PCMT1: variants seen among roughly 807,000 people sequenced by gnomAD.
PCMT1 encodes protein-L-isoaspartate(D-aspartate) O-methyltransferase.
A neutral mutation model predicts 29.2 loss-of-function variants in PCMT1; 9 were observed. The observed-to-expected ratio is 0.31, with a 90% CI of 0.19 to 0.54. The LOEUF is 0.54. Ranked by LOEUF, PCMT1 falls within the 20% of genes least tolerant of loss-of-function variation. The pLI is 0.95. For missense variants in PCMT1, 184 were observed against 282.2 expected (o/e 0.65, Z 2.49); for synonymous variants, 98 against 97.5 (o/e 1.00, Z -0.03).
intron 7 of PCMT1, 112 bp downstream of exon 7, chr6:149,802,528 T>C: frequency 3.8e-6 from 5 of 1,299,516 alleles, no homozygotes; most frequent in Non-Finnish European, 4.9e-6. Context: ...ATGTGAAAAA[T>C]GTTGCATGGT....
chr6:149,771,766 T>C (rs1787335392), intron 2 of PCMT1, among the ~76,000 whole-genome samples: 1 of 152,054 alleles, frequency 6.6e-6, no homozygotes, highest in South Asian at 2.1e-4. Flanking sequence ...AAACCACCCG[T>C]GTTGGCCTCC....
chr6:149,756,831 T>C (rs570848912), intron 1 of PCMT1, among the ~76,000 whole-genome samples: 6 of 151,812 alleles, frequency 4.0e-5, no homozygotes, highest in African/African-American at 1.2e-4. Context: ...TGAAATCCTA[T>C]GTATATATTT....
At chr6:149,772,567 G>C in intron 2 of PCMT1, 1 of 456,058 alleles carries the variant, frequency 2.2e-6, no homozygotes, top group South Asian at 1.6e-5. Flanking sequence ...GACTCTACAG[G>C]AGAAGAAATT....
Position 149,763,088 on chromosome 6 carries a change from GAT to G in PCMT1, c.56-8067_56-8066del, listed in dbSNP as rs1260686003. Among the ~76,000 whole-genome samples the G allele has an allele frequency of 1.9e-4, 12 of 62,656 alleles. 2 individuals are homozygous for G. The highest frequency in any genetic ancestry group is 2.7e-4 in the Non-Finnish European group (12 of 43,722). The allele number at this position is 62,656 out of a possible 152,430, so 41.1% of individuals were successfully genotyped here. A position where few individuals can be genotyped will look rare whatever the true frequency, so the allele number is the denominator to read the frequency against. Reference sequence around the variant, plus strand: ...ATATATCTATGATATGTATATCTATGATATATATGATATATATATCTATGATA... The same window carrying G: ...ATATATCTATGATATGTATATCTATGATATATGATATATATATCTATGATA... On this transcript the variant is annotated intron_variant, in intron 1 of 7. Transcript: ENST00000464889.
Position 149,793,548 on chromosome 6 carries a change from G to A in PCMT1, c.298-1G>A. On this transcript the variant is annotated splice_acceptor_variant, in intron 4 of 7. Transcript: ENST00000464889. LOFTEE classifies it high-confidence loss of function. ...CTACTGAATTGTTTTCTCTTTTCCA[G>A]GTTGGATGTACTGGAAAAGTCATAG... is the stretch of plus-strand genomic sequence containing the variant. 1 of 1,469,454 alleles carries A rather than the reference G, an allele frequency of 6.8e-7. No individual in the cohort carries two copies. The highest frequency in any genetic ancestry group is 1.6e-5 in the South Asian group (1 of 62,782). The allele number at this position is 1,469,454 out of a possible 1,614,324, so 91.0% of individuals were successfully genotyped here. A position where few individuals can be genotyped will look rare whatever the true frequency, so the allele number is the denominator to read the frequency against.
intron 7 of PCMT1, among the ~76,000 whole-genome samples, chr6:149,803,535 C>T (rs1468962050): frequency 1.3e-5 from 2 of 151,818 alleles, no homozygotes; most frequent in African/African-American, 2.4e-5. Flanking sequence ...CTTCCCACTC[C>T]CTTCCATGAG....
chr6:149,809,071 G>A (rs182836009), intron 7 of PCMT1, among the ~76,000 whole-genome samples: 17 of 150,064 alleles, frequency 1.1e-4, no homozygotes, highest in East Asian at 7.9e-4. Context: ...CCTGAGCAAC[G>A]TGGTGAAACC....
chr6:149,752,357 C>G (rs1448174912), intron 1 of PCMT1, among the ~76,000 whole-genome samples: 2 of 151,984 alleles, frequency 1.3e-5, no homozygotes, highest in Admixed American at 1.3e-4. Context: ...ACTACCACGC[C>G]TGGCTAATTT....
At chr6:149,771,010 AAG>A in intron 1 of PCMT1, 150 bp from the exon 2 acceptor site, 1 of 480,816 alleles carries the variant, frequency 2.1e-6, no homozygotes, top group Non-Finnish European at 3.6e-6. Context: ...GAAAAAAAAA[AAG>A]AAACCAGGTT....
intron 3 of PCMT1, among the ~76,000 whole-genome samples, chr6:149,781,302 C>G (rs1228365571): frequency 1.3e-5 from 2 of 150,926 alleles, no homozygotes; most frequent in Non-Finnish European, 2.9e-5. Flanking sequence ...TCTCAGCTCA[C>G]TGCAACCTCC....
chr6:149,801,715 T>G (rs954514427), intron 6 of PCMT1, among the ~76,000 whole-genome samples: 5 of 152,170 alleles, frequency 3.3e-5, no homozygotes, highest in Non-Finnish European at 5.9e-5. Flanking sequence ...CCCAAAGTGC[T>G]GGGATCACAG....
chr6:149,770,854 C>CCCTG (rs10677539), intron 1 of PCMT1, among the ~76,000 whole-genome samples: 79,272 of 149,860 alleles, frequency 0.53, 23,988 homozygotes, highest in East Asian at 0.83. Flanking sequence ...AAAAAATTAG[C>CCCTG]CAGGCGTGGT....
In PCMT1 at chr6:149,749,783, A is replaced by G; in HGVS notation, c.-119A>G. On this transcript the variant is annotated 5_prime_UTR_variant, in exon 1 of 8. Transcript: ENST00000464889. ...GGCGACGGCAGTAACAGCGGCAGCT[A>G]CAGCGGGGACGCGAGCGGGGCGGTG... 6.4e-7 allele frequency: 1 copy of G among 1,550,766 alleles called. No homozygotes were observed. The highest frequency in any genetic ancestry group is 8.7e-7 in the Non-Finnish European group (1 of 1,146,660).
chr6:149,754,596 G>T (rs931506167), intron 1 of PCMT1, among the ~76,000 whole-genome samples: 1 of 152,082 alleles, frequency 6.6e-6, no homozygotes, highest in Non-Finnish European at 1.5e-5. Flanking sequence ...CCATGGTTTT[G>T]CTTTCTGAAG....
chr6:149,774,678 C>T (rs1284016348), intron 3 of PCMT1, among the ~76,000 whole-genome samples: 2 of 150,244 alleles, frequency 1.3e-5, no homozygotes, highest in Admixed American at 6.7e-5. Context: ...GCTGGGATTA[C>T]AGGCACCCGC....
At chr6:149,808,117 A>C (rs1448222257) in intron 7 of PCMT1, among the ~76,000 whole-genome samples, 4 of 152,080 alleles carry the variant, frequency 2.6e-5, no homozygotes, top group Non-Finnish European at 5.9e-5. Context: ...CTTTTCATTT[A>C]TTCTTGGTAA....
intron 2 of PCMT1, chr6:149,772,791 G>A (rs1787388122): frequency 3.0e-6 from 1 of 338,822 alleles, no homozygotes; most frequent in Non-Finnish European, 5.7e-6. Context: ...GCCGAGGTGG[G>A]TGGATCACGA....
intron 1 of PCMT1, among the ~76,000 whole-genome samples, chr6:149,767,880 A>C (rs1472658738): frequency 6.6e-6 from 1 of 151,278 alleles, no homozygotes. Flanking sequence ...TGCAGCCTCC[A>C]CCTCCCAGGT....
chr6:149,780,840 T>C (rs759117186), intron 3 of PCMT1, among the ~76,000 whole-genome samples: 1 of 152,192 alleles, frequency 6.6e-6, no homozygotes, highest in Non-Finnish European at 1.5e-5. Context: ...TTGTGTGTTT[T>C]CATTTCTCTC....
Sources: allele counts gnomAD v4.1 joint callset (sites outside exome capture counted in the v4.1 genomes callset), GRCh38; gene constraint gnomAD v4.1.1; transcripts MANE v1.5; gene names NCBI Gene and HGNC (gene_info 2026-07-23, HGNC 2026-07-21).